Variants in SOS2 observed in about 807,000 individuals in gnomAD.
SOS2 encodes the protein SOS Ras/Rho guanine nucleotide exchange factor 2, also known as son of sevenless homolog 2.
SOS2 carries 65 observed loss-of-function variants against 148.2 expected under a neutral mutation model. The observed-to-expected ratio is 0.44, with a 90% CI of 0.36 to 0.54. The LOEUF (loss-of-function observed/expected upper bound fraction) is 0.54. Among genes scored for constraint, SOS2 ranks in the 20% least tolerant of loss-of-function variants. The pLI, the probability that SOS2 is intolerant of heterozygous loss-of-function variation, is 0.00. For missense variants in SOS2, 1,341 were observed against 1,590.2 expected, an observed-to-expected ratio of 0.84 and a Z score of 2.67; for synonymous variants, 539 against 537.1, an observed-to-expected ratio of 1.00 and a Z score of -0.05.
chr14:50,225,911 T>C (rs907489774), intron 1 of SOS2, among the ~76,000 whole-genome samples: 2 of 152,182 alleles, frequency 1.3e-5, no homozygotes, highest in African/African-American at 4.8e-5. Flanking sequence ...TCTTCTTGTT[T>C]TTTAAAATAA....
intron 7 of SOS2, among the ~76,000 whole-genome samples, chr14:50,178,729 C>CATATAT (rs763954421): frequency 7.9e-5 from 2 of 25,178 alleles, no homozygotes; most frequent in African/African-American, 7.7e-5. Context: ...TATACACACA[C>CATATAT]ATATATATAT....
At chr14:50,215,445 T>C (rs926487976) in intron 1 of SOS2, 4 of 1,268,800 alleles carry the variant, frequency 3.2e-6, no homozygotes, top group Non-Finnish European at 4.1e-6. Context: ...ACAGAGACAG[T>C]AAACATAAAA....
intron 1 of SOS2, chr14:50,230,942 G>A: frequency 9.1e-7 from 1 of 1,103,100 alleles, no homozygotes; most frequent in Non-Finnish European, 1.1e-6. Context: ...GGCGGAAGTT[G>A]CCTGACGAAA....
chr14:50,225,279 G>GT (rs1329144913), intron 1 of SOS2, among the ~76,000 whole-genome samples: 1 of 152,084 alleles, frequency 6.6e-6, no homozygotes, highest in African/African-American at 2.4e-5. Context: ...ATTTTTGGTT[G>GT]TTAATTTTTA....
intron 21 of SOS2, among the ~76,000 whole-genome samples, chr14:50,122,434 C>T (rs1004234225): frequency 6.3e-5 from 7 of 111,532 alleles, no homozygotes; most frequent in African/African-American, 1.9e-4. Context: ...CTCGCTCTGT[C>T]GCCCAGGCTG....
chr14:50,124,119 G>A (rs547098876), intron 21 of SOS2, among the ~76,000 whole-genome samples: 3 of 152,196 alleles, frequency 2.0e-5, no homozygotes, highest in Admixed American at 6.5e-5. Flanking sequence ...ATGTTAAATG[G>A]GTAATTAAAT....
At chr14:50,143,280 A>G (rs1043853386) in intron 16 of SOS2, among the ~76,000 whole-genome samples, 5 of 148,450 alleles carry the variant, frequency 3.4e-5, no homozygotes, top group African/African-American at 1.2e-4. Context: ...GGCTATGATC[A>G]TGCCACTGGC....
intron 1 of SOS2, among the ~76,000 whole-genome samples, chr14:50,211,830 T>C (rs979577327): frequency 2.0e-5 from 3 of 152,104 alleles, no homozygotes; most frequent in African/African-American, 7.2e-5. Flanking sequence ...TCTAGAGAAA[T>C]GTTTACCAGA....
At chr14:50,132,963 G>A (rs1175718110) in intron 19 of SOS2, among the ~76,000 whole-genome samples, 1 of 151,578 alleles carries the variant, frequency 6.6e-6, no homozygotes, top group Non-Finnish European at 1.5e-5. Flanking sequence ...GGCTCCTTCT[G>A]ACTTTTTTTG....
intron 4 of SOS2, among the ~76,000 whole-genome samples, chr14:50,189,698 C>G (rs903634779): frequency 2.6e-5 from 4 of 152,206 alleles, no homozygotes; most frequent in African/African-American, 9.6e-5. Flanking sequence ...CTATTACGTT[C>G]ATTTGCTAAA....
rs1175960937 is a variant in SOS2 at position 50,133,249 on chromosome 14, C to CT, written c.3075+873dup. 8.9e-3 allele frequency among the ~76,000 whole-genome samples: 935 copies of CT among 105,564 alleles called. 18 individuals carry two copies. The highest frequency in any genetic ancestry group is 0.032 in the African/African-American group (881 of 27,314). 69.3% of individuals were successfully genotyped at this position (105,564 alleles called of 152,430 possible). A position where few individuals can be genotyped will look rare whatever the true frequency, so the allele number is the denominator to read the frequency against. The stretch of plus-strand genomic sequence containing the variant: ...GAACTTTTTTTCTTTTTTCTTTTTT[C>CT]TTTTTTTTTTTTTTTGAGACGGGGT... On this transcript the variant is annotated intron_variant, in intron 19 of 22. Transcript: ENST00000216373.
chr14:50,144,927 G>A (rs925827153), intron 16 of SOS2, among the ~76,000 whole-genome samples: 4 of 151,970 alleles, frequency 2.6e-5, no homozygotes, highest in Non-Finnish European at 5.9e-5. Flanking sequence ...GGCAGTGCAA[G>A]TCTCATATTG....
intron 1 of SOS2, among the ~76,000 whole-genome samples, chr14:50,223,658 A>G (rs1157238588): frequency 6.6e-6 from 1 of 151,618 alleles, no homozygotes. Context: ...CTGGCAAAAA[A>G]GCGAGACTCC....
At chr14:50,195,022 A>C (rs948990126) in intron 4 of SOS2, among the ~76,000 whole-genome samples, 1 of 152,084 alleles carries the variant, frequency 6.6e-6, no homozygotes, top group African/African-American at 2.4e-5. Context: ...TAAAATATCT[A>C]CATATGCTGG....
chr14:50,199,937 T>C, intron 3 of SOS2, 82 bp from the exon 4 acceptor site: 2 of 872,980 alleles, frequency 2.3e-6, no homozygotes, highest in Non-Finnish European at 3.5e-6. Flanking sequence ...TTTAACATCC[T>C]TGCTTATAAA....
Position 50,117,274 on chromosome 14 carries a change from C to G in SOS2, c.*1070G>C, listed in dbSNP as rs1201626062. On this transcript the variant is annotated 3_prime_UTR_variant, in exon 23 of 23. Coordinates refer to ENST00000216373, the MANE Select transcript of SOS2 (RefSeq NM_006939.4). Reference sequence around the variant, plus strand: ...GCTACAGCACTATCAGCAAAACACTCTATCACTTTGAACGAAGGCATCCAA... The same window carrying G: ...GCTACAGCACTATCAGCAAAACACTGTATCACTTTGAACGAAGGCATCCAA... The G allele has an allele frequency of 6.7e-6, 1 of 149,960 alleles. No homozygotes were observed. The highest frequency in any genetic ancestry group is 1.5e-5 in the Non-Finnish European group (1 of 68,020). 9.3% of individuals were successfully genotyped at this position (149,960 alleles called of 1,614,324 possible). A position where few individuals can be genotyped will look rare whatever the true frequency, so the allele number is the denominator to read the frequency against.
intron 1 of SOS2, among the ~76,000 whole-genome samples, chr14:50,206,026 T>C (rs1383475279): frequency 1.3e-5 from 2 of 152,332 alleles, no homozygotes; most frequent in East Asian, 3.9e-4. Flanking sequence ...TGTGTATTCG[T>C]TCTTTTCTTG....
chr14:50,211,612 AT>A (rs1289795025), intron 1 of SOS2, among the ~76,000 whole-genome samples: 1 of 2,786 alleles, frequency 3.6e-4, no homozygotes, highest in Non-Finnish European at 6.9e-4. Context: ...TTTTTAATTA[AT>A]TATTATTATT....
At chr14:50,202,229 G>T (rs540444019) in intron 2 of SOS2, among the ~76,000 whole-genome samples, 4 of 152,280 alleles carry the variant, frequency 2.6e-5, no homozygotes, top group African/African-American at 9.6e-5. Flanking sequence ...TTCCCAAAGT[G>T]CTGGGATTAC....
Sources: allele counts gnomAD v4.1 joint callset (sites outside exome capture counted in the v4.1 genomes callset), GRCh38; gene constraint gnomAD v4.1.1; transcripts MANE v1.5; gene names NCBI Gene and HGNC (gene_info 2026-07-23, HGNC 2026-07-21).